The following COA8 variants were observed in gnomAD, a reference collection of about 807,000 sequenced individuals.
COA8 encodes UPF0671 protein C14orf153.
COA8 carries 20 observed loss-of-function variants against 22.0 expected under a neutral mutation model. The ratio of observed to expected loss-of-function variants is 0.91; its 90% CI spans 0.64 to 1.32. The LOEUF (loss-of-function observed/expected upper bound fraction) is 1.32. Among genes scored for constraint, COA8 ranks in the 40% most tolerant of loss-of-function variants. The probability of loss-of-function intolerance (pLI) is 0.00; values close to 1 mark genes in which losing one functional copy is unlikely to be tolerated. For synonymous variants in COA8, 105 were observed against 79.9 expected (o/e 1.31, Z -1.68); for missense variants, 266 against 230.0 (o/e 1.16, Z -1.01).
rs1273949878 is a variant in COA8 at position 103,574,177 on chromosome 14, GTGTT to G, written c.385+14_385+17del. Reference sequence around the variant, plus strand: ...GGCCTGAGAACTGAATCAGGTTAGTGTGTTTGTTTGATTGTTTTTTTTGCTTTCT... The same window carrying G: ...GGCCTGAGAACTGAATCAGGTTAGTGTGTTTGATTGTTTTTTTTGCTTTCT... On this transcript the variant is annotated splice_region_variant and intron_variant, in intron 3 of 4. Coordinates refer to ENST00000409074, the MANE Select transcript of COA8 (RefSeq NM_001370595.2). The G allele has an allele frequency of 1.2e-6, 2 of 1,608,856 alleles. No individual in the cohort carries two copies. The highest frequency in any genetic ancestry group is 1.3e-5 in the African/African-American group (1 of 74,156).
At chr14:103,571,309 C>T (rs1408458043) in intron 1 of COA8, among the ~76,000 whole-genome samples, 1 of 151,832 alleles carries the variant, frequency 6.6e-6, no homozygotes, top group Admixed American at 6.6e-5. Flanking sequence ...GCGGAGCTTG[C>T]AGTGAGCCGA....
intron 1 of COA8, 108 bp from the exon 2 acceptor site, chr14:103,571,515 C>A: frequency 8.7e-7 from 1 of 1,147,340 alleles, no homozygotes; most frequent in Non-Finnish European, 1.2e-6. Context: ...TCCAGTCTGG[C>A]AACAGAGCGA....
intron 3 of COA8, among the ~76,000 whole-genome samples, chr14:103,586,774 G>A (rs2076310613): frequency 6.6e-6 from 1 of 151,258 alleles, no homozygotes; most frequent in African/African-American, 2.4e-5. Context: ...TCACCATGTT[G>A]GCCCAGCTGG....
In COA8 at chr14:103,581,486, G is replaced by T; in HGVS notation, c.386-5788G>T. Reference sequence around the variant, plus strand: ...GCTGGTCGGAGTAGGACCTTGGGAGGTTTCATCACGCTACTCAGAACAGCA... The same window carrying T: ...GCTGGTCGGAGTAGGACCTTGGGAGTTTTCATCACGCTACTCAGAACAGCA... On this transcript the variant is annotated intron_variant, in intron 3 of 4. Transcript: ENST00000409074. The surrounding 1 kb of genome is among the most constrained non-coding windows in gnomAD (Gnocchi z 4.1). 1 of 395,220 alleles carries T rather than the reference G, an allele frequency of 2.5e-6. No individual in the cohort carries two copies. The highest frequency in any genetic ancestry group is 4.5e-6 in the Non-Finnish European group (1 of 224,282). The allele number at this position is 395,220 out of a possible 1,614,324, so 24.5% of individuals were successfully genotyped here.
chr14:103,583,247 A>C (rs1199669335), intron 3 of COA8, among the ~76,000 whole-genome samples: 1 of 152,104 alleles, frequency 6.6e-6, no homozygotes, highest in Non-Finnish European at 1.5e-5. Context: ...TGCTGAGTTA[A>C]GAGTCTTTTT....
At chr14:103,571,582 A>T in intron 1 of COA8, 41 bp from the exon 2 acceptor site, 1 of 1,502,968 alleles carries the variant, frequency 6.7e-7, no homozygotes, top group Non-Finnish European at 9.2e-7. Context: ...AATACTAGAG[A>T]TTCATTTTGT....
intron 3 of COA8, among the ~76,000 whole-genome samples, chr14:103,584,910 C>A (rs755733120): frequency 1.3e-5 from 2 of 152,072 alleles, no homozygotes; most frequent in African/African-American, 4.8e-5. Context: ...GAGGCCAAGG[C>A]GGGCGGATCA....
At chr14:103,564,085 G>A (rs889335734) in intron 1 of COA8, among the ~76,000 whole-genome samples, 2 of 151,998 alleles carry the variant, frequency 1.3e-5, no homozygotes, top group Admixed American at 1.3e-4. Flanking sequence ...CCCGGGAGAC[G>A]GAGGTTGCTG....
chr14:103,574,292 G>GGTGTGCCGA, intron 3 of COA8, 122 bp downstream of exon 3: 1 of 1,298,848 alleles, frequency 7.7e-7, no homozygotes, highest in Non-Finnish European at 1.1e-6. Flanking sequence ...CCTGCTTTGG[G>GGTGTGCCGA]GCAGTGCTCG....
intron 4 of COA8, among the ~76,000 whole-genome samples, chr14:103,588,971 CATTCAAACAAGCG>C (rs1336187122): frequency 2.6e-5 from 4 of 152,200 alleles, no homozygotes; most frequent in Non-Finnish European, 5.9e-5. Flanking sequence ...TTAGTTAAGT[CATTCAAACAAGCG>C]AGTATAATCT....
chr14:103,564,479 CG>C (rs928510298), intron 1 of COA8, among the ~76,000 whole-genome samples: 3 of 145,698 alleles, frequency 2.1e-5, no homozygotes. Context: ...ATTTCCCGGG[CG>C]GGGGGGATTT....
intron 1 of COA8, chr14:103,563,381 C>A: frequency 1.5e-6 from 1 of 656,638 alleles, no homozygotes; most frequent in Non-Finnish European, 2.8e-6. Flanking sequence ...AGTCACCTGG[C>A]AAGTTTGTAC....
chr14:103,574,274 G>T, intron 3 of COA8, 104 bp downstream of exon 3: 1 of 1,500,610 alleles, frequency 6.7e-7, no homozygotes. Context: ...GTTCAGGGCG[G>T]TCCTTGGCCT....
At chr14:103,588,386 G>A in intron 4 of COA8, 1 of 385,184 alleles carries the variant, frequency 2.6e-6, no homozygotes, top group Non-Finnish European at 4.6e-6. Flanking sequence ...TAAGGCTACA[G>A]TGAGCCGAGA....
At chr14:103,583,527 G>GC (rs1282640939) in intron 3 of COA8, among the ~76,000 whole-genome samples, 1 of 122,740 alleles carries the variant, frequency 8.1e-6, no homozygotes, top group Non-Finnish European at 1.6e-5. Flanking sequence ...GGGCAACAGA[G>GC]CAAGACTCGA....
intron 1 of COA8, chr14:103,563,363 C>T (rs1313227534): frequency 7.3e-6 from 5 of 684,986 alleles, no homozygotes; most frequent in Non-Finnish European, 1.3e-5. Flanking sequence ...AACCTTTAAG[C>T]GTAACAGAGT....
At chr14:103,584,968 T>C (rs1169684263) in intron 3 of COA8, among the ~76,000 whole-genome samples, 1 of 151,188 alleles carries the variant, frequency 6.6e-6, no homozygotes, top group African/African-American at 2.4e-5. Context: ...TGAAACCCCG[T>C]CTTTACTAGA....
intron 3 of COA8, among the ~76,000 whole-genome samples, chr14:103,582,721 A>G (rs932501568): frequency 1.4e-5 from 2 of 144,984 alleles, no homozygotes; most frequent in African/African-American, 5.2e-5. Context: ...TTCACATACC[A>G]TAAAATTCAC....
chr14:103,580,523 C>A (rs1351984871), intron 3 of COA8, among the ~76,000 whole-genome samples: 1 of 149,672 alleles, frequency 6.7e-6, no homozygotes, highest in Non-Finnish European at 1.5e-5. Flanking sequence ...GAAGCGGAGT[C>A]TCACTCTGTC....
Sources: allele counts gnomAD v4.1 joint callset (sites outside exome capture counted in the v4.1 genomes callset), GRCh38; gene constraint gnomAD v4.1.1; non-coding constraint Gnocchi (gnomAD v3.1); transcripts MANE v1.5; gene names NCBI Gene and HGNC (gene_info 2026-07-23, HGNC 2026-07-21).